NAAA: variants seen among roughly 807,000 people sequenced by gnomAD.
NAAA encodes N-acylethanolamine acid amidase, also known as N-acylethanolamine-hydrolyzing acid amidase.
In NAAA, 39 loss-of-function variants were observed where a neutral mutation model predicts 44.8. The observed-to-expected ratio is 0.87, with a 90% CI of 0.67 to 1.14. The LOEUF is 1.14. Ranked by LOEUF, NAAA falls within the 50% of genes most tolerant of loss-of-function variation. The pLI is 0.00. For synonymous variants in NAAA, 178 were observed against 191.3 expected (o/e 0.93, Z 0.58); for missense variants, 460 against 467.8 (o/e 0.98, Z 0.15).
downstream of NAAA, among the ~76,000 whole-genome samples, chr4:75,910,790 C>T (rs572694009): frequency 2.3e-4 from 35 of 152,316 alleles, no homozygotes; most frequent in African/African-American, 6.5e-4. Flanking sequence ...AGTTAAACCA[C>T]GTGACACTGT....
intron 5 of NAAA, among the ~76,000 whole-genome samples, chr4:75,924,348 T>G (rs979739166): frequency 6.6e-6 from 1 of 152,238 alleles, no homozygotes; most frequent in Non-Finnish European, 1.5e-5. Flanking sequence ...AGCACTGAGA[T>G]GCGTAACAGT....
chr4:75,936,025 T>A (rs1463849417), intron 3 of NAAA, 84 bp downstream of exon 3: 1 of 1,537,296 alleles, frequency 6.5e-7, no homozygotes, highest in Non-Finnish European at 9.0e-7. Context: ...GATAACACAC[T>A]TAAGTTAGCA....
rs186025644 is a variant in NAAA at position 75,937,784 on chromosome 4, G to C, written c.372-1549C>G. 3.2e-3 allele frequency among the ~76,000 whole-genome samples: 491 copies of C among 152,230 alleles called. 2 individuals are homozygous for C. The highest frequency in any genetic ancestry group is 4.3e-3 in the Non-Finnish European group (291 of 68,014). On this transcript the variant is annotated intron_variant, in intron 2 of 10. Coordinates refer to ENST00000286733, the MANE Select transcript of NAAA (RefSeq NM_014435.4). ...AATGCAGGCGTGAGCCACTGTGGCC[G>C]GCCACCCTCCAAGGTTTCTGAGCTT...
At chr4:75,939,581 A>G (rs1190577818) in intron 2 of NAAA, among the ~76,000 whole-genome samples, 1 of 151,578 alleles carries the variant, frequency 6.6e-6, no homozygotes, top group Non-Finnish European at 1.5e-5. Flanking sequence ...ACGCCTGGCT[A>G]ATTTTTTGTG....
chr4:75,936,940 A>G (rs1273157210), intron 2 of NAAA, among the ~76,000 whole-genome samples: 2 of 152,252 alleles, frequency 1.3e-5, no homozygotes, highest in Admixed American at 1.3e-4. Flanking sequence ...AAAAATATGT[A>G]TATCCACATG....
intron 5 of NAAA, among the ~76,000 whole-genome samples, chr4:75,922,947 A>C (rs1323157607): frequency 6.6e-6 from 1 of 151,850 alleles, no homozygotes; most frequent in Non-Finnish European, 1.5e-5. Context: ...CAGGCGACAA[A>C]GTCAGGGAGT....
intron 4 of NAAA, among the ~76,000 whole-genome samples, chr4:75,927,663 T>A (rs11939003): frequency 9.5e-6 from 1 of 105,668 alleles, no homozygotes; most frequent in Admixed American, 1.2e-4. Context: ...AAAAAATAGC[T>A]AGAATTTGAA....
chr4:75,921,195 A>T, intron 5 of NAAA, 72 bp from the exon 6 acceptor site: 1 of 1,370,726 alleles, frequency 7.3e-7, no homozygotes. Context: ...TGCAAAAATG[A>T]TCCAAAGCAC....
chr4:75,934,207 G>C (rs1317442184), intron 3 of NAAA, among the ~76,000 whole-genome samples: 1 of 151,888 alleles, frequency 6.6e-6, no homozygotes, highest in Non-Finnish European at 1.5e-5. Context: ...GGGCAAGTCA[G>C]TCTCTGTGAA....
chr4:75,922,970 A>G (rs977775008), intron 5 of NAAA, among the ~76,000 whole-genome samples: 110 of 152,012 alleles, frequency 7.2e-4, no homozygotes, highest in Non-Finnish European at 5.9e-5. Context: ...AAATGCATCT[A>G]TCTCAGGAAA....
intron 9 of NAAA, among the ~76,000 whole-genome samples, chr4:75,918,054 A>G (rs1725794779): frequency 6.6e-6 from 1 of 152,216 alleles, no homozygotes; most frequent in Non-Finnish European, 1.5e-5. Context: ...TAGGATGAAC[A>G]CCTCACTGCC....
intron 3 of NAAA, 33 bp from the exon 4 acceptor site, chr4:75,931,337 C>T (rs1223317400): frequency 4.6e-6 from 7 of 1,515,224 alleles, no homozygotes; most frequent in Non-Finnish European, 5.5e-6. Flanking sequence ...ATCATTTCAC[C>T]ATTCCAATCA....
intron 9 of NAAA, among the ~76,000 whole-genome samples, chr4:75,918,543 T>C (rs979525341): frequency 2.6e-5 from 4 of 152,074 alleles, no homozygotes; most frequent in African/African-American, 4.8e-5. Context: ...ACCTGATTTA[T>C]ATTTGTTTAT....
At chr4:75,918,670 G>A in intron 9 of NAAA, 91 bp downstream of exon 9, 1 of 1,364,770 alleles carries the variant, frequency 7.3e-7, no homozygotes, top group Non-Finnish European at 1.0e-6. Context: ...GGTTACAGGA[G>A]CCCTCAGATC....
intron 5 of NAAA, among the ~76,000 whole-genome samples, chr4:75,923,236 C>T (rs1726340162): frequency 6.6e-6 from 1 of 152,128 alleles, no homozygotes; most frequent in African/African-American, 2.4e-5. Context: ...AACATAGCAA[C>T]CTCAGCATAT....
rs1578098255 is a variant in NAAA at position 75,940,818 on chromosome 4, G to C, written c.132C>G (p.Pro44=). 6.3e-7 allele frequency: 1 copy of C among 1,597,638 alleles called. No homozygotes were observed. The highest frequency in any genetic ancestry group is 8.5e-7 in the Non-Finnish European group (1 of 1,178,570). ...PRFNVSLDSV[P]ELRWLPVLRH... is the part of the protein sequence containing the mutation. The stretch of plus-strand genomic sequence containing the variant: ...GCAGCACGGGCAGCCAGCGCAGCTC[G>C]GGGACCGAGTCCAGGCTCACGTTGA... Residue 44 remains proline, a synonymous_variant, in exon 1 of 11, where the codon CCC becomes CCG. Coordinates refer to ENST00000286733, the MANE Select transcript of NAAA (RefSeq NM_014435.4).
chr4:75,940,756 G>A lies in NAAA; in HGVS notation c.194C>T (p.Ala65Val), dbSNP rs781358312. The A allele has an allele frequency of 6.3e-7, 1 of 1,596,512 alleles. No homozygotes were observed. The highest frequency in any genetic ancestry group is 8.5e-7 in the Non-Finnish European group (1 of 1,178,070). ...GGCCCCAGCTCACCCGATGACTTGC[G>A]CCATCGCGGCGCGCACCAAGTCCAA... ...YDLDLVRAAM[A>V]QVIGDRVPKW... Residue 65 changes from alanine to valine, a missense_variant, in exon 1 of 11, where the codon GCG becomes GTG. Transcript: ENST00000286733.
chr4:75,911,028 G>A (rs1725305390), downstream of NAAA, among the ~76,000 whole-genome samples: 1 of 152,102 alleles, frequency 6.6e-6, no homozygotes, highest in Non-Finnish European at 1.5e-5. Flanking sequence ...AGGGCGGAGA[G>A]GATATTACAA....
At chr4:75,939,873 G>A (rs1026011554) in intron 2 of NAAA, 128 bp downstream of exon 2, 3 of 1,048,922 alleles carry the variant, frequency 2.9e-6, no homozygotes, top group Non-Finnish European at 2.8e-6. Flanking sequence ...AAGAGGAAGC[G>A]CTGGAGGTTT....
Sources: gnomAD v4.1 joint callset for allele counts (sites outside exome capture counted in the v4.1 genomes callset) on GRCh38, gnomAD v4.1.1 for gene constraint, MANE v1.5 for transcripts, NCBI Gene and HGNC (gene_info 2026-07-23, HGNC 2026-07-21) for gene names.